Variants in PRMT7 observed in about 807,000 individuals in gnomAD.
PRMT7 encodes the protein protein arginine methyltransferase 7, also known as protein arginine N-methyltransferase 7.
In PRMT7, 75 loss-of-function variants were observed where a neutral mutation model predicts 85.4. The ratio of observed to expected loss-of-function variants is 0.88; its 90% CI spans 0.73 to 1.06. PRMT7 has a LOEUF of 1.06. Among genes scored for constraint, PRMT7 ranks in the 50% least tolerant of loss-of-function variants. The pLI is 0.00. For missense variants in PRMT7, 868 were observed against 915.2 expected (o/e 0.95, Z 0.67); for synonymous variants, 397 against 359.5 (o/e 1.10, Z -1.18).
At chr16:68,322,443 C>A in intron 4 of PRMT7, 1 of 447,996 alleles carries the variant, frequency 2.2e-6, no homozygotes, top group Non-Finnish European at 4.5e-6. Context: ...AGTGATCCAC[C>A]CGCCTTGGTC....
chr16:68,328,873 G>A (rs2083467023), intron 5 of PRMT7, among the ~76,000 whole-genome samples, 193 bp from the exon 6 acceptor site: 1 of 152,156 alleles, frequency 6.6e-6, no homozygotes, highest in South Asian at 2.1e-4. Flanking sequence ...TGCCTGGCAC[G>A]GAATGAGAGT....
Position 68,329,075 on chromosome 16 carries a change from C to G in PRMT7, c.292C>G (p.Pro98Ala). Reference sequence around the variant, plus strand: ...CGGCTCTATTTTCTAGGTTTTCAAGCCTATGGCTGATGCTGCTGTGAAGAT... The same window carrying G: ...CGGCTCTATTTTCTAGGTTTTCAAGGCTATGGCTGATGCTGCTGTGAAGAT... ...DFCYAIEVFK[P>A]MADAAVKIVE... Residue 98 changes from proline (P) to alanine (A), a missense_variant, in exon 6 of 19, where the codon CCT becomes GCT. Physicochemically the swap from Pro to Ala is conservative, Grantham distance 27. Transcript: ENST00000441236. 6.2e-7 allele frequency: 1 copy of G among 1,608,378 alleles called. No homozygotes were observed. The highest frequency in any genetic ancestry group is 1.7e-4 in the Middle Eastern group (1 of 6,054).
intron 14 of PRMT7, chr16:68,351,699 C>T (rs950080917): frequency 6.5e-6 from 1 of 152,740 alleles, no homozygotes; most frequent in African/African-American, 2.4e-5. Flanking sequence ...CATTTACTCA[C>T]AAATGTTCAC....
At chr16:68,338,851 C>T (rs551974316) in intron 7 of PRMT7, among the ~76,000 whole-genome samples, 2 of 152,204 alleles carry the variant, frequency 1.3e-5, no homozygotes, top group East Asian at 1.9e-4. Context: ...GGAGGAGAGC[C>T]GGACAAGGAG....
At chr16:68,319,255 G>T (rs981389054) in intron 3 of PRMT7, among the ~76,000 whole-genome samples, 1 of 152,202 alleles carries the variant, frequency 6.6e-6, no homozygotes, top group African/African-American at 2.4e-5. Flanking sequence ...GGTGTGGAAT[G>T]TGAAAGGTAG....
At chr16:68,351,405 A>C (rs2087328679) in intron 14 of PRMT7, 1 of 118,762 alleles carries the variant, frequency 8.4e-6, no homozygotes, top group African/African-American at 3.2e-5. Flanking sequence ...CTCCGTCCCC[A>C]GCACCTGCAG....
intron 9 of PRMT7, among the ~76,000 whole-genome samples, chr16:68,342,686 A>C (rs1379793709): frequency 6.6e-6 from 1 of 152,122 alleles, no homozygotes; most frequent in African/African-American, 2.4e-5. Flanking sequence ...CAATCAGCGT[A>C]CCCATACCGA....
Position 68,357,217 on chromosome 16 carries a change from C to A in PRMT7, c.2072C>A (p.Pro691Gln), listed in dbSNP as rs369486726. ...IIMEFRHADT[P>Q]D ...ATGGAGTTCAGGCATGCAGATACCC[C>A]AGACTGACCACTCTTGAGCAATAAA... Residue 691 changes from proline (P) to glutamine (Q), a missense_variant, in exon 19 of 19, where the codon CCA becomes CAA. Physicochemically the swap from Pro to Gln is moderately conservative, Grantham distance 76. Coordinates refer to ENST00000441236, the MANE Select transcript of PRMT7 (RefSeq NM_019023.5). 1.2e-6 allele frequency: 2 copies of A among 1,611,470 alleles called. No homozygotes were observed. The highest frequency in any genetic ancestry group is 1.7e-6 in the Non-Finnish European group (2 of 1,178,726).
At position 68,311,028 on chromosome 16, in the gene PRMT7, A is replaced by G. The variant is rs1218460456; in HGVS notation, c.-290A>G. ...CCCCAGCACGCTCCTCGACGCTGCGAGGTCCCGCCCCGCGTGCTGGCCGCG... is the reference window on the plus strand; with the variant it reads ...CCCCAGCACGCTCCTCGACGCTGCGGGGTCCCGCCCCGCGTGCTGGCCGCG... On this transcript the variant is annotated 5_prime_UTR_variant, in exon 1 of 19. Coordinates refer to ENST00000441236, the MANE Select transcript of PRMT7 (RefSeq NM_019023.5). 1.8e-6 allele frequency: 2 copies of G among 1,086,230 alleles called. No homozygotes were observed. The highest frequency in any genetic ancestry group is 2.7e-6 in the Non-Finnish European group (2 of 737,114). 67.3% of individuals were successfully genotyped at this position (1,086,230 alleles called of 1,614,324 possible). A position where few individuals can be genotyped will look rare whatever the true frequency, so the allele number is the denominator to read the frequency against.
chr16:68,358,993 C>G (rs1289216182), downstream of PRMT7: 2 of 152,646 alleles, frequency 1.3e-5, no homozygotes, highest in Non-Finnish European at 2.9e-5. Flanking sequence ...CAGGACCTGA[C>G]TAGGCAGAGG....
chr16:68,346,010 T>TG, intron 10 of PRMT7, 135 bp from the exon 11 acceptor site: 2 of 1,406,556 alleles, frequency 1.4e-6, no homozygotes. Flanking sequence ...TTAGAGCAGA[T>TG]GCGTAGGAAA....
rs544738683 is a variant in PRMT7 at position 68,314,372 on chromosome 16, A to C, written c.-83-1525A>C. 5.3e-5 allele frequency among the ~76,000 whole-genome samples: 8 copies of C among 152,348 alleles called. No individual in the cohort carries two copies. In the South Asian group the frequency reaches 8.3e-4, roughly 16 times the overall value. ...CAGCCTCCTGAGTAGCTGGGAATAC[A>C]GACGTGCGCCACCATGTCTGGCTAA... On this transcript the variant is annotated intron_variant, in intron 2 of 18. Coordinates refer to ENST00000441236, the MANE Select transcript of PRMT7 (RefSeq NM_019023.5).
chr16:68,325,891 T>C (rs906357815), intron 5 of PRMT7, among the ~76,000 whole-genome samples: 8 of 152,232 alleles, frequency 5.3e-5, no homozygotes, highest in Admixed American at 3.3e-4. Flanking sequence ...GACTTGGGAA[T>C]GTGCGGCAAG....
chr16:68,333,543 G>C (rs754703421), intron 6 of PRMT7, among the ~76,000 whole-genome samples: 1 of 151,686 alleles, frequency 6.6e-6, no homozygotes, highest in Non-Finnish European at 1.5e-5. Flanking sequence ...GGCTGGTCTT[G>C]AACGCCAGGC....
intron 3 of PRMT7, among the ~76,000 whole-genome samples, chr16:68,318,276 T>C (rs1441672666): frequency 6.6e-6 from 1 of 151,194 alleles, no homozygotes; most frequent in African/African-American, 2.4e-5. Context: ...CTCTGCTCAC[T>C]GCAAGCTCCG....
At chr16:68,327,639 C>G (rs2083283884) in intron 5 of PRMT7, among the ~76,000 whole-genome samples, 1 of 152,100 alleles carries the variant, frequency 6.6e-6, no homozygotes, top group Admixed American at 6.5e-5. Context: ...TACCTGTGGT[C>G]AACTGAGGTC....
chr16:68,318,401 G>A (rs537449384), intron 3 of PRMT7, among the ~76,000 whole-genome samples: 77 of 152,172 alleles, frequency 5.1e-4, no homozygotes, highest in African/African-American at 1.4e-3. Flanking sequence ...GGGTTTCACC[G>A]TGTTAGCCAG....
At chr16:68,320,080 C>T (rs7190070) in intron 3 of PRMT7, among the ~76,000 whole-genome samples, 21,553 of 152,144 alleles carry the variant, frequency 0.14, 1,614 homozygotes, top group African/African-American at 0.18. Flanking sequence ...CCCGGCTGCT[C>T]TCCCTAATAC....
chr16:68,340,620 A>G (rs1427238064), intron 9 of PRMT7, among the ~76,000 whole-genome samples: 1 of 152,070 alleles, frequency 6.6e-6, no homozygotes, highest in Admixed American at 6.5e-5. Flanking sequence ...TTAAACTGCA[A>G]TGAGATCTCA....
Sources: allele counts gnomAD v4.1 joint callset (sites outside exome capture counted in the v4.1 genomes callset), GRCh38; gene constraint gnomAD v4.1.1; transcripts MANE v1.5; gene names NCBI Gene and HGNC (gene_info 2026-07-23, HGNC 2026-07-21).